Variants in ATG10 observed in about 807,000 individuals in gnomAD.
ATG10 encodes autophagy related 10, also known as ubiquitin-like-conjugating enzyme ATG10.
ATG10 carries 30 observed loss-of-function variants against 32.1 expected under a neutral mutation model. The ratio of observed to expected loss-of-function variants is 0.94; its 90% confidence interval spans 0.70 to 1.27. The LOEUF is 1.27. ATG10 is among the 50% of genes most tolerant of loss of function. ATG10 has a pLI of 0.00. For missense variants in ATG10, 233 were observed against 262.3 expected (o/e 0.89, Z 0.77); for synonymous variants, 87 against 91.5 (o/e 0.95, Z 0.28).
At chr5:82,193,261 A>G (rs1744727558) in intron 5 of ATG10, among the ~76,000 whole-genome samples, 1 of 152,246 alleles carries the variant, frequency 6.6e-6, no homozygotes, top group African/African-American at 2.4e-5. Flanking sequence ...GGATAGTGTC[A>G]GTATTGTACT....
Position 82,203,159 on chromosome 5 carries a change from CA to C in ATG10, c.453+24573del, listed in dbSNP as rs560223393. 2.8e-3 allele frequency among the ~76,000 whole-genome samples: 431 copies of C among 151,490 alleles called. 1 individual carries two copies. The highest frequency in any genetic ancestry group is 1.0e-2 in the African/African-American group (411 of 41,228). ...AGGAGAATTGCTTGAACCTGGGTGG[CA>C]GAGGTTGCAGTGAGCCGAGATCGCA... On this transcript the variant is annotated intron_variant, in intron 5 of 7. Transcript: ENST00000282185.
intron 6 of ATG10, 112 bp from the exon 7 acceptor site, chr5:82,253,202 C>A: frequency 2.7e-6 from 2 of 731,836 alleles, no homozygotes; most frequent in East Asian, 5.1e-5. Flanking sequence ...AGGTACAAAT[C>A]TTTGAAGAAA....
chr5:82,068,958 G>A (rs952121000), intron 3 of ATG10, among the ~76,000 whole-genome samples: 18 of 150,290 alleles, frequency 1.2e-4, no homozygotes, highest in Non-Finnish European at 1.8e-4. Flanking sequence ...AACTCCATAT[G>A]TGGAGGGAGA....
At position 82,255,987 on chromosome 5, in the gene ATG10, G is replaced by A. The variant is rs954683478; in HGVS notation, c.*1924G>A. Reference sequence around the variant, plus strand: ...TGAGAGCCGGCTTAAATGCTTGCTGGGCATTTTGGTATTTACCACTTAGCA... The same window carrying A: ...TGAGAGCCGGCTTAAATGCTTGCTGAGCATTTTGGTATTTACCACTTAGCA... On this transcript the variant is annotated 3_prime_UTR_variant, in exon 8 of 8. Transcript: ENST00000282185. 3 of 152,134 alleles carry A rather than the reference G, an allele frequency of 2.0e-5. No individual in the cohort carries two copies. 9.4% of individuals were successfully genotyped at this position (152,134 alleles called of 1,614,324 possible).
chr5:82,022,146 G>A (rs1762459283), intron 2 of ATG10, among the ~76,000 whole-genome samples: 2 of 150,372 alleles, frequency 1.3e-5, no homozygotes, highest in Non-Finnish European at 3.0e-5. Flanking sequence ...CCGAGATTGC[G>A]CCACTGCACT....
At chr5:82,152,510 T>C (rs1442182408) in intron 3 of ATG10, among the ~76,000 whole-genome samples, 3 of 152,192 alleles carry the variant, frequency 2.0e-5, no homozygotes, top group East Asian at 3.8e-4. Flanking sequence ...TTCTGCAACT[T>C]TATTCAATCA....
intron 5 of ATG10, among the ~76,000 whole-genome samples, chr5:82,227,868 T>C (rs1429330821): frequency 6.6e-6 from 1 of 152,180 alleles, no homozygotes; most frequent in Non-Finnish European, 1.5e-5. Context: ...TTGTGGGGAT[T>C]AAATTGATTC....
chr5:82,118,144 T>C (rs1026199009), intron 3 of ATG10, among the ~76,000 whole-genome samples: 1 of 151,552 alleles, frequency 6.6e-6, no homozygotes, highest in Non-Finnish European at 1.5e-5. Context: ...AAAATATTGA[T>C]GTTATTTTTG....
intron 3 of ATG10, among the ~76,000 whole-genome samples, chr5:82,149,825 A>G (rs534442100): frequency 8.7e-4 from 133 of 152,274 alleles, no homozygotes; most frequent in African/African-American, 2.8e-3. Context: ...TGTCTGTCCT[A>G]TGGGAAGGTG....
At chr5:82,001,849 A>C (rs1018303262) in intron 2 of ATG10, among the ~76,000 whole-genome samples, 3 of 152,194 alleles carry the variant, frequency 2.0e-5, no homozygotes, top group African/African-American at 7.2e-5. Context: ...GTAAACAGAC[A>C]ATCTACAGAA....
chr5:82,081,418 G>A (rs994628188), intron 3 of ATG10, among the ~76,000 whole-genome samples: 1 of 152,120 alleles, frequency 6.6e-6, no homozygotes, highest in South Asian at 2.1e-4. Context: ...GGTGAGAGAG[G>A]GCATCCCTGT....
rs1760896127 is a variant in ATG10 at position 81,977,184 on chromosome 5, T to C, written c.-13+4878T>C. 2.0e-5 allele frequency among the ~76,000 whole-genome samples: 3 copies of C among 152,216 alleles called. No individual in the cohort carries two copies. The South Asian group carries it at 6.2e-4, about 31-fold the overall frequency. ...GACCTCAAATAAATCCTTTAAAATT[T>C]TAATGTGCCTTGGTTTATCTTTTAG... On this transcript the variant is annotated intron_variant, in intron 1 of 7. Transcript: ENST00000282185.
chr5:82,019,743 T>C (rs990275794), intron 2 of ATG10, among the ~76,000 whole-genome samples: 10 of 152,104 alleles, frequency 6.6e-5, no homozygotes, highest in African/African-American at 2.4e-4. Context: ...CATTGCTTAG[T>C]TGGGTGTTTG....
At chr5:82,139,712 G>A (rs1445049662) in intron 3 of ATG10, among the ~76,000 whole-genome samples, 1 of 139,498 alleles carries the variant, frequency 7.2e-6, no homozygotes, top group South Asian at 2.4e-4. Context: ...GAGGGAGGTG[G>A]GGGGGGGTCA....
chr5:82,206,463 C>T (rs577765650), intron 5 of ATG10, among the ~76,000 whole-genome samples: 8 of 151,924 alleles, frequency 5.3e-5, no homozygotes, highest in South Asian at 4.2e-4. Context: ...CTGACTAACA[C>T]GGTGAAACCC....
intron 2 of ATG10, among the ~76,000 whole-genome samples, chr5:81,995,392 C>G (rs764136299): frequency 1.5e-4 from 23 of 152,174 alleles, no homozygotes; most frequent in Non-Finnish European, 2.8e-4. Flanking sequence ...ATCCGCCCAT[C>G]TCAGCCTCCC....
At chr5:81,978,345 C>G (rs1301698505) in intron 1 of ATG10, among the ~76,000 whole-genome samples, 1 of 152,210 alleles carries the variant, frequency 6.6e-6, no homozygotes, top group African/African-American at 2.4e-5. Flanking sequence ...GCTGGGATTA[C>G]AGGCATGAGC....
At chr5:82,203,468 T>C (rs897152946) in intron 5 of ATG10, among the ~76,000 whole-genome samples, 9 of 152,122 alleles carry the variant, frequency 5.9e-5, no homozygotes, top group Non-Finnish European at 8.8e-5. Context: ...AGTCATAGGG[T>C]AGTTGCTTTT....
chr5:81,992,989 C>T (rs1761504930), intron 2 of ATG10, among the ~76,000 whole-genome samples: 1 of 152,232 alleles, frequency 6.6e-6, no homozygotes, highest in South Asian at 2.1e-4. Flanking sequence ...TCTTGTTCCC[C>T]TACCTCTAAC....
Sources: allele counts gnomAD v4.1 joint callset (sites outside exome capture counted in the v4.1 genomes callset), GRCh38; gene constraint gnomAD v4.1.1; transcripts MANE v1.5; gene names NCBI Gene and HGNC (gene_info 2026-07-23, HGNC 2026-07-21).